The following TBC1D22A variants were observed in gnomAD, a reference collection of about 807,000 sequenced individuals.
TBC1D22A encodes putative GTPase activator.
In TBC1D22A, 38 loss-of-function variants were observed where a neutral mutation model predicts 60.2. The observed-to-expected ratio is 0.63, with a 90% CI of 0.49 to 0.83. The LOEUF is 0.83. Ranked by LOEUF, TBC1D22A falls within the 40% of genes least tolerant of loss-of-function variation. The pLI is 0.00. For missense variants in TBC1D22A, 628 were observed against 701.0 expected (o/e 0.90, Z 1.18); for synonymous variants, 302 against 281.7 (o/e 1.07, Z -0.72).
chr22:47,135,215 G>A (rs1184509457), intron 12 of TBC1D22A, among the ~76,000 whole-genome samples: 4 of 152,224 alleles, frequency 2.6e-5, no homozygotes, highest in African/African-American at 7.2e-5. Flanking sequence ...CTGGCAGGCC[G>A]GCGCAGGGCT....
intron 8 of TBC1D22A, among the ~76,000 whole-genome samples, chr22:46,935,537 A>G (rs2071597937): frequency 6.6e-6 from 1 of 152,252 alleles, no homozygotes; most frequent in Non-Finnish European, 1.5e-5. Context: ...ATGACCAGTC[A>G]TTAAATGGAT....
At chr22:46,900,427 G>T (rs1199961041) in intron 7 of TBC1D22A, among the ~76,000 whole-genome samples, 1 of 152,198 alleles carries the variant, frequency 6.6e-6, no homozygotes, top group East Asian at 1.9e-4. Flanking sequence ...TGGGATTACA[G>T]GCGTGAGTAA....
chr22:47,023,463 T>C (rs1342674993), intron 10 of TBC1D22A, among the ~76,000 whole-genome samples: 1 of 152,262 alleles, frequency 6.6e-6, no homozygotes, highest in East Asian at 1.9e-4. Context: ...AAAAATCATA[T>C]GGAACCTATA....
intron 8 of TBC1D22A, among the ~76,000 whole-genome samples, chr22:46,951,146 A>G (rs1400986965): frequency 1.3e-5 from 2 of 152,292 alleles, no homozygotes; most frequent in South Asian, 2.1e-4. Context: ...AATAGAGACA[A>G]TCCTTGCAGC....
intron 12 of TBC1D22A, among the ~76,000 whole-genome samples, chr22:47,148,582 CTT>C (rs1383978621): frequency 1.3e-5 from 2 of 151,546 alleles, no homozygotes; most frequent in Non-Finnish European, 2.9e-5. Flanking sequence ...GTCCCTCTCT[CTT>C]GGGCTCCTCT....
intron 4 of TBC1D22A, among the ~76,000 whole-genome samples, chr22:46,809,345 G>GCT (rs1011778889): frequency 3.3e-5 from 5 of 152,126 alleles, no homozygotes; most frequent in Non-Finnish European, 5.9e-5. Context: ...TTATCCTGTG[G>GCT]CTCAGGGCCC....
intron 12 of TBC1D22A, among the ~76,000 whole-genome samples, chr22:47,143,653 T>TCC (rs2067185023): frequency 6.6e-6 from 1 of 152,100 alleles, no homozygotes; most frequent in South Asian, 2.1e-4. Context: ...GCCTGCAGGG[T>TCC]CCCCTGAGCT....
At chr22:46,874,298 C>G (rs930992059) in intron 4 of TBC1D22A, among the ~76,000 whole-genome samples, 2 of 151,934 alleles carry the variant, frequency 1.3e-5, no homozygotes, top group Admixed American at 1.3e-4. Flanking sequence ...GGGTATATAC[C>G]CAGTAATGAG....
intron 8 of TBC1D22A, among the ~76,000 whole-genome samples, chr22:46,961,418 TA>T (rs1201266193): frequency 1.3e-5 from 2 of 152,200 alleles, no homozygotes; most frequent in Admixed American, 6.5e-5. Context: ...CATTTCCGTG[TA>T]ATTTTGTATT....
intron 8 of TBC1D22A, among the ~76,000 whole-genome samples, chr22:46,919,377 G>A (rs151195966): frequency 1.3e-5 from 2 of 152,298 alleles, no homozygotes; most frequent in South Asian, 2.1e-4. Flanking sequence ...GGGTACGGAC[G>A]CAGCACGTTG....
intron 11 of TBC1D22A, among the ~76,000 whole-genome samples, chr22:47,043,874 C>G (rs2062930955): frequency 1.1e-5 from 1 of 91,294 alleles, no homozygotes; most frequent in African/African-American, 4.8e-5. Context: ...CCGAGGCTGC[C>G]AGACTCAGGT....
chr22:46,807,084 C>CT (rs1400797367), intron 4 of TBC1D22A, among the ~76,000 whole-genome samples: 3 of 152,252 alleles, frequency 2.0e-5, no homozygotes, highest in Non-Finnish European at 4.4e-5. Flanking sequence ...CAGGTGCATC[C>CT]TGTAGACACT....
At chr22:47,142,615 G>A (rs1438853272) in intron 12 of TBC1D22A, among the ~76,000 whole-genome samples, 2 of 102,248 alleles carry the variant, frequency 2.0e-5, no homozygotes, top group East Asian at 5.8e-4. Flanking sequence ...CCATCCATCT[G>A]CACATCCATC....
At chr22:46,994,396 C>G (rs2075049591) in intron 9 of TBC1D22A, among the ~76,000 whole-genome samples, 1 of 152,204 alleles carries the variant, frequency 6.6e-6, no homozygotes, top group South Asian at 2.1e-4. Flanking sequence ...GCTGAACCCA[C>G]CTTCGCCTCT....
intron 12 of TBC1D22A, among the ~76,000 whole-genome samples, chr22:47,127,806 C>T (rs1478084215): frequency 6.6e-6 from 1 of 151,810 alleles, no homozygotes; most frequent in African/African-American, 2.4e-5. Context: ...GCTCTTGGCG[C>T]CTGCTTTTGT....
At chr22:46,779,691 G>A (rs905257809) in intron 1 of TBC1D22A, among the ~76,000 whole-genome samples, 1 of 152,192 alleles carries the variant, frequency 6.6e-6, no homozygotes, top group Admixed American at 6.5e-5. Flanking sequence ...AGAGATGTCC[G>A]TTTGACCCAG....
intron 11 of TBC1D22A, among the ~76,000 whole-genome samples, chr22:47,037,746 G>T (rs1023835302): frequency 2.6e-5 from 4 of 152,188 alleles, no homozygotes; most frequent in Non-Finnish European, 5.9e-5. Context: ...GTTTCATTCT[G>T]CCTGCGTGGT....
intron 4 of TBC1D22A, among the ~76,000 whole-genome samples, chr22:46,866,697 C>A (rs189914669): frequency 4.1e-4 from 63 of 152,332 alleles, no homozygotes; most frequent in Non-Finnish European, 6.8e-4. Context: ...TGCTGATGAA[C>A]CATCATTGTT....
chr22:46,974,655 C>T (rs887411255), intron 9 of TBC1D22A, among the ~76,000 whole-genome samples: 2 of 152,240 alleles, frequency 1.3e-5, no homozygotes, highest in South Asian at 4.1e-4. Context: ...AGTCTGATCC[C>T]CTGCTGCCTG....
Sources: allele counts gnomAD v4.1 joint callset (sites outside exome capture counted in the v4.1 genomes callset), GRCh38; gene constraint gnomAD v4.1.1; transcripts MANE v1.5; gene names NCBI Gene and HGNC (gene_info 2026-07-23, HGNC 2026-07-21).